The following UBR3 variants were observed in gnomAD, a reference collection of about 807,000 sequenced individuals.
UBR3 encodes ubiquitin protein ligase E3 component n-recognin 3, also known as E3 ubiquitin-protein ligase UBR3.
UBR3 carries 85 observed loss-of-function variants against 243.2 expected under a neutral mutation model. The ratio of observed to expected loss-of-function variants is 0.35; its 90% CI spans 0.29 to 0.42. The LOEUF (loss-of-function observed/expected upper bound fraction) is 0.42, where lower values mean the gene tolerates loss of function less well. Among genes scored for constraint, UBR3 ranks in the 10% least tolerant of loss-of-function variants. The probability of loss-of-function intolerance (pLI) is 1.00; values close to 1 mark genes in which losing one functional copy is unlikely to be tolerated. For missense variants in UBR3, 1,686 were observed against 2,300.8 expected (o/e 0.73, Z 5.47); for synonymous variants, 748 against 799.8 (o/e 0.94, Z 1.09).
intron 2 of UBR3, among the ~76,000 whole-genome samples, chr2:169,873,909 A>C (rs2083511760): frequency 2.0e-5 from 3 of 152,000 alleles, no homozygotes; most frequent in Admixed American, 1.3e-4. Context: ...TATTATGAGA[A>C]CCTTAAAGCT....
intron 2 of UBR3, among the ~76,000 whole-genome samples, chr2:169,874,802 C>A (rs895856314): frequency 1.3e-5 from 2 of 152,114 alleles, no homozygotes; most frequent in African/African-American, 2.4e-5. Context: ...AAATGGACAT[C>A]CCCTTTCCTG....
Position 169,857,064 on chromosome 2 carries a change from G to T in UBR3, c.546-15172G>T, listed in dbSNP as rs1171946972. Among the ~76,000 whole-genome samples the T allele has an allele frequency of 3.1e-3, 176 of 56,062 alleles. 7 individuals are homozygous for T. Among genetic ancestry groups the T allele is most frequent in the African/African-American group, 6.1e-3 (86 of 14,090 alleles). 36.8% of individuals were successfully genotyped at this position (56,062 alleles called of 152,430 possible). A position where few individuals can be genotyped will look rare whatever the true frequency, so the allele number is the denominator to read the frequency against. ...ATGATTTCCAGCATAATTTTATTAT[G>T]TTTTTTTTTTTTTTTTTTTTTTTTT... On this transcript the variant is annotated intron_variant, in intron 1 of 38. Coordinates refer to ENST00000272793, the MANE Select transcript of UBR3 (RefSeq NM_172070.4).
intron 8 of UBR3, among the ~76,000 whole-genome samples, chr2:169,901,352 T>C (rs541597285): frequency 2.2e-4 from 34 of 152,290 alleles, no homozygotes; most frequent in Non-Finnish European, 3.7e-4. Context: ...TCCAGCCAAG[T>C]TCTAAAACTA....
chr2:169,842,622 G>A (rs979708279), intron 1 of UBR3, among the ~76,000 whole-genome samples: 16 of 151,716 alleles, frequency 1.1e-4, no homozygotes, highest in Non-Finnish European at 1.3e-4. Flanking sequence ...CAGGAGGAAC[G>A]AACAACTCCA....
intron 5 of UBR3, among the ~76,000 whole-genome samples, chr2:169,890,815 CCT>C (rs1196551398): frequency 6.7e-6 from 1 of 149,638 alleles, no homozygotes; most frequent in Non-Finnish European, 1.5e-5. Context: ...TTCTCTCCTA[CCT>C]TCCTATAATA....
At chr2:170,020,907 C>G (rs2090372479) in intron 30 of UBR3, among the ~76,000 whole-genome samples, 1 of 152,148 alleles carries the variant, frequency 6.6e-6, no homozygotes, top group South Asian at 2.1e-4. Context: ...CTAAAAGTTA[C>G]TTAGGAAATC....
chr2:169,864,705 C>CGG (rs2083194725), intron 1 of UBR3, among the ~76,000 whole-genome samples: 1 of 151,814 alleles, frequency 6.6e-6, no homozygotes, highest in South Asian at 2.1e-4. Context: ...AGATTGAGAC[C>CGG]ATCCTGGCTA....
chr2:170,009,443 A>G (rs981009251), intron 29 of UBR3, among the ~76,000 whole-genome samples: 1 of 152,102 alleles, frequency 6.6e-6, no homozygotes, highest in African/African-American at 2.4e-5. Flanking sequence ...TCTAAACCTC[A>G]ATTTGTAGTG....
chr2:170,028,846 T>TA (rs930191200), intron 30 of UBR3, among the ~76,000 whole-genome samples: 3 of 151,940 alleles, frequency 2.0e-5, no homozygotes, highest in African/African-American at 7.2e-5. Context: ...CTATTTCAGT[T>TA]ACTTTTTCTT....
intron 29 of UBR3, among the ~76,000 whole-genome samples, chr2:170,012,545 G>C (rs144454477): frequency 2.7e-4 from 41 of 152,186 alleles, no homozygotes; most frequent in African/African-American, 9.4e-4. Flanking sequence ...CTTCTAAAGG[G>C]AAGATGAGCA....
intron 31 of UBR3, among the ~76,000 whole-genome samples, chr2:170,033,583 C>T (rs1423842650): frequency 5.7e-5 from 1 of 17,462 alleles, no homozygotes; most frequent in Non-Finnish European, 1.2e-4. Flanking sequence ...CCACACCCAC[C>T]CCCCCCCCCC....
intron 17 of UBR3, among the ~76,000 whole-genome samples, chr2:169,927,685 C>T (rs999645411): frequency 1.3e-5 from 2 of 151,806 alleles, no homozygotes; most frequent in Non-Finnish European, 2.9e-5. Flanking sequence ...CATTTAACCT[C>T]CTAGTGGACA....
intron 10 of UBR3, among the ~76,000 whole-genome samples, chr2:169,912,393 A>G (rs2085287909): frequency 6.6e-6 from 1 of 152,110 alleles, no homozygotes; most frequent in African/African-American, 2.4e-5. Context: ...CTTGGAAACC[A>G]CTAATCTTCT....
chr2:169,877,678 G>A, intron 4 of UBR3, 41 bp downstream of exon 4: 3 of 1,502,156 alleles, frequency 2.0e-6, no homozygotes, highest in Middle Eastern at 1.7e-4. Flanking sequence ...TAACTTTTCT[G>A]TATTAAAACC....
chr2:170,012,321 T>G (rs1187632687), intron 29 of UBR3, among the ~76,000 whole-genome samples: 2 of 152,102 alleles, frequency 1.3e-5, no homozygotes, highest in Admixed American at 6.6e-5. Flanking sequence ...TTATAATTGG[T>G]TACATATCAA....
At chr2:169,919,279 G>T (rs2085594254) in intron 11 of UBR3, among the ~76,000 whole-genome samples, 1 of 152,168 alleles carries the variant, frequency 6.6e-6, no homozygotes. Context: ...GAAGTTCAAG[G>T]TTAAATTAAT....
Position 169,938,812 on chromosome 2 carries a change from T to C in UBR3, c.2664-3681T>C, listed in dbSNP as rs550917231. ...GCTGAAGCTTTTACATCAAATTCTC[T>C]GGTCGATTTTGAGTTAGTTTTTATG... On this transcript the variant is annotated intron_variant, in intron 19 of 38. Transcript: ENST00000272793. 2.0e-5 allele frequency among the ~76,000 whole-genome samples: 3 copies of C among 152,354 alleles called. No individual in the cohort carries two copies. The East Asian group carries it at 5.8e-4, about 29-fold the overall frequency.
chr2:169,881,958 A>AATATAT (rs2083874893), intron 5 of UBR3, among the ~76,000 whole-genome samples: 1 of 101,198 alleles, frequency 9.9e-6, no homozygotes, highest in Non-Finnish European at 2.1e-5. Context: ...ATGTATGTAT[A>AATATAT]CATACATATG....
chr2:169,842,123 G>C, intron 1 of UBR3, among the ~76,000 whole-genome samples: 1 of 151,946 alleles, frequency 6.6e-6, no homozygotes, highest in Non-Finnish European at 1.5e-5. Context: ...TAGCTGCTCT[G>C]GTGAGGACGT....
Sources: gnomAD v4.1 joint callset for allele counts (sites outside exome capture counted in the v4.1 genomes callset) on GRCh38, gnomAD v4.1.1 for gene constraint, MANE v1.5 for transcripts, NCBI Gene and HGNC (gene_info 2026-07-23, HGNC 2026-07-21) for gene names.